KMT2D: variants seen among roughly 807,000 people sequenced by gnomAD.
KMT2D encodes the protein lysine methyltransferase 2D.
A neutral mutation model predicts 512.7 loss-of-function variants in KMT2D; 55 were observed. That is an observed-to-expected ratio of 0.11 (90% confidence interval 0.09 to 0.13). KMT2D has a LOEUF of 0.13. Ranked by LOEUF, KMT2D falls within the 10% of genes least tolerant of loss-of-function variation. The pLI is 1.00. For missense variants in KMT2D, 6,061 were observed against 7,127.9 expected (o/e 0.85, Z 5.39); for synonymous variants, 2,995 against 2,904.0 (o/e 1.03, Z -1.01).
Position 49,048,035 on chromosome 12 carries a change from C to T in KMT2D, c.4166G>A (p.Gly1389Glu). Residue 1389 changes from glycine to glutamate, a missense_variant, in exon 15 of 55, where the codon GGG (glycine) becomes GAG (glutamate). Coordinates refer to ENST00000301067, the MANE Select transcript of KMT2D (RefSeq NM_003482.4). ...MCVVCGSFGRGAEGHLLACSQ... is the reference protein window; with the variant it reads ...MCVVCGSFGREAEGHLLACSQ... ...ACAGGCAAGGAGGTGGCCCTCTGCC[C>T]CCCGGCCAAAGCTGCCACATACCAC... 1.2e-6 allele frequency: 2 copies of T among 1,610,080 alleles called. No homozygotes were observed. Among genetic ancestry groups the T allele is most frequent in the Non-Finnish European group, 1.7e-6 (2 of 1,176,598 alleles).
chr12:49,032,195 T>C lies in KMT2D; in HGVS notation c.12510A>G (p.Pro4170=), dbSNP rs3741622. The change falls in exon 40 of 55, where the codon CCA becomes CCG. Residue 4170 remains proline (P), a synonymous_variant. Coordinates refer to ENST00000301067, the MANE Select transcript of KMT2D (RefSeq NM_003482.4). The part of the protein sequence containing the change: ...LERPMQNNTG[P]QPPKPGPVLQ... ...GGACAGGTCCTGGTTTGGGAGGTTG[T>C]GGCCCTGTATTATTTTGCATGGGCC... The C allele has an allele frequency of 0.34, 546,770 of 1,612,274 alleles. 97,473 individuals are homozygous for C. The highest frequency in any genetic ancestry group is 0.4 in the East Asian group (17,966 of 44,800).
intron 49 of KMT2D, among the ~76,000 whole-genome samples, chr12:49,025,573 A>C (rs1942536052): frequency 6.6e-6 from 1 of 152,216 alleles, no homozygotes; most frequent in African/African-American, 2.4e-5. Flanking sequence ...CACAATGACA[A>C]AATCACCTAA....
rs950401727 is a variant in KMT2D, at chr12:49,031,172, C to T, written c.13530+3G>A. Reference sequence around the variant, plus strand: ...CCTGCTCCACTCTACTCAGAGTACTCACCTCCTTGTTGCTGGGGGTACCCT... The same window carrying T: ...CCTGCTCCACTCTACTCAGAGTACTTACCTCCTTGTTGCTGGGGGTACCCT... On this transcript the variant is annotated splice_donor_region_variant and intron_variant, in intron 40 of 54. Coordinates refer to ENST00000301067, the MANE Select transcript of KMT2D (RefSeq NM_003482.4). 1.2e-6 allele frequency: 2 copies of T among 1,607,276 alleles called. No homozygotes were observed. Among genetic ancestry groups the T allele is most frequent in the Non-Finnish European group, 1.7e-6 (2 of 1,175,834 alleles).
In KMT2D at chr12:49,050,672, C is replaced by A. The variant is rs765148791; in HGVS notation, c.2916G>T (p.Pro972=). ...GTGTCTCCAGGATGGGGGCAGCCAA[C>A]GGTGACTCAGGGTCACTGTCCCCTT... ...GAKGDSDPES[P]LAAPILETPI... The change falls in exon 12 of 55, where the codon CCG becomes CCT. Residue 972 remains proline (P), a synonymous_variant. Coordinates refer to ENST00000301067, the MANE Select transcript of KMT2D (RefSeq NM_003482.4). 6.2e-7 allele frequency: 1 copy of A among 1,613,436 alleles called. No homozygotes were observed. The highest frequency in any genetic ancestry group is 1.7e-5 in the Admixed American group (1 of 59,990).
At chr12:49,048,957 A>G (rs948354661) in intron 13 of KMT2D, 148 bp downstream of exon 13, 5 of 682,068 alleles carry the variant, frequency 7.3e-6, no homozygotes, top group Non-Finnish European at 1.3e-5. Context: ...TTTCAGAAAA[A>G]CCTGCGGGCC....
At chr12:49,027,709 C>A in intron 48 of KMT2D, 94 bp downstream of exon 48, 1 of 1,464,158 alleles carries the variant, frequency 6.8e-7, no homozygotes, top group South Asian at 1.2e-5. Flanking sequence ...CTCGCCTTGC[C>A]TCCCAAAGCA....
chr12:49,043,465 C>T (rs2120569054), intron 24 of KMT2D, 37 bp from the exon 25 acceptor site: 2 of 1,604,602 alleles, frequency 1.2e-6, no homozygotes, highest in South Asian at 2.2e-5. Context: ...CAGAGATGTC[C>T]TACATCTGAT....
rs1287194328 is a variant in KMT2D, at chr12:49,030,347, T to C, written c.13932A>G (p.Pro4644=). The C allele has an allele frequency of 4.0e-6, 6 of 1,488,408 alleles. No homozygotes were observed. In the Admixed American group the frequency reaches 9.2e-5, roughly 23 times the overall value. The allele number at this position is 1,488,408 out of a possible 1,614,324, so 92.2% of individuals were successfully genotyped here. ...TGGGGTGCTCCCCCAGCTCTTCAGA[T>C]GGGGTGACGCCATTCACCATCTTCT... ...VQQKMVNGVT[P]SEELGEHPKD... The change falls in exon 43 of 55, where the codon CCA becomes CCG. Residue 4644 remains proline, a synonymous_variant. Coordinates refer to ENST00000301067, the MANE Select transcript of KMT2D (RefSeq NM_003482.4).
Position 49,055,038 on chromosome 12 carries a change from G to A in KMT2D, c.50-12C>T. On this transcript the variant is annotated splice_polypyrimidine_tract_variant and intron_variant, in intron 2 of 54. Transcript: ENST00000301067. ...TGCAGGTCCATCAGCTGAATAAACA[G>A]ACAAACAGCATGTGTCAGCCATCAT... 1 of 1,613,374 alleles carries A rather than the reference G, an allele frequency of 6.2e-7. No homozygotes were observed. Among genetic ancestry groups the A allele is most frequent in the Non-Finnish European group, 8.5e-7 (1 of 1,179,546 alleles).
In KMT2D at chr12:49,041,099, C is replaced by T. The variant is rs1367216459; in HGVS notation, c.6671G>A (p.Gly2224Glu). ...ASSRPGAGQP[G>E]EFHTTPPGTP... ...GCCAGGTGGGGTAGTGTGGAATTCC[C>T]CTGGCTGGCCAGCCCCAGGACGAGA... The change falls in exon 32 of 55, where the codon GGG (glycine) becomes GAG (glutamate). Residue 2224 changes from glycine (G) to glutamate (E), a missense_variant. Around this residue, in one of 16 missense-constraint regions of KMT2D, gnomAD observed 710 missense variants for 647.3 expected, o/e 1.10. Coordinates refer to ENST00000301067, the MANE Select transcript of KMT2D (RefSeq NM_003482.4). The surrounding 1 kb of genome is among the most constrained non-coding windows in gnomAD (Gnocchi z 5.4). 2 of 1,531,824 alleles carry T rather than the reference C, an allele frequency of 1.3e-6. No individual in the cohort carries two copies. Among genetic ancestry groups the T allele is most frequent in the Non-Finnish European group, 1.7e-6 (2 of 1,143,084 alleles). The allele number at this position is 1,531,824 out of a possible 1,614,324, so 94.9% of individuals were successfully genotyped here.
chr12:49,025,587 T>A (rs1392979739), intron 49 of KMT2D, among the ~76,000 whole-genome samples: 5 of 152,210 alleles, frequency 3.3e-5, no homozygotes, highest in African/African-American at 1.2e-4. Context: ...CACCTAACAA[T>A]GCATTTCTCA....
In KMT2D at chr12:49,027,280, A is replaced by G. The variant is rs2120370857; in HGVS notation, c.14686T>C (p.Tyr4896His). The change falls in exon 49 of 55, where the codon TAC (tyrosine) becomes CAC (histidine). Residue 4896 changes from tyrosine (Y) to histidine (H), a missense_variant. This residue lies in a region of KMT2D where 1,600 missense variants were observed against 1,754.9 expected (regional missense o/e 0.91). Transcript: ENST00000301067. ...PEPPTQHSYTYNVSNLDVRQL... is the reference protein window; with the variant it reads ...PEPPTQHSYTHNVSNLDVRQL... ...CGCACATCCAGATTGGAGACATTGTAGGTATAGCTGTGCTGAGTGGGTGGC... is the reference window on the plus strand; with the variant it reads ...CGCACATCCAGATTGGAGACATTGTGGGTATAGCTGTGCTGAGTGGGTGGC... 1 of 1,552,848 alleles carries G rather than the reference A, an allele frequency of 6.4e-7. No homozygotes were observed. The highest frequency in any genetic ancestry group is 8.7e-7 in the Non-Finnish European group (1 of 1,152,528).
Position 49,027,391 on chromosome 12 carries a change from C to T in KMT2D, c.14644-69G>A. ...AACTAGCTCCCTCCTTCCCCTCACCCATATGCCACCCTCCCAAAAGGCCTC... is the reference window on the plus strand; with the variant it reads ...AACTAGCTCCCTCCTTCCCCTCACCTATATGCCACCCTCCCAAAAGGCCTC... On this transcript the variant is annotated intron_variant, in intron 48 of 54. Coordinates refer to ENST00000301067, the MANE Select transcript of KMT2D (RefSeq NM_003482.4). 3 of 1,293,958 alleles carry T rather than the reference C, an allele frequency of 2.3e-6. No homozygotes were observed. The South Asian group carries it at 4.5e-5, about 20-fold the overall frequency. 80.2% of individuals were successfully genotyped at this position (1,293,958 alleles called of 1,614,324 possible).
In KMT2D at chr12:49,039,568, G is replaced by A; in HGVS notation, c.8096C>T (p.Thr2699Ile). Residue 2699 changes from threonine (T) to isoleucine (I), a missense_variant, in exon 33 of 55, where the codon ACC (threonine) becomes ATC (isoleucine). Physicochemically the swap from Thr to Ile is moderately conservative, Grantham distance 89. Transcript: ENST00000301067. The surrounding 1 kb of genome is among the most constrained non-coding windows in gnomAD (Gnocchi z 5.0). ...AGCTGTTTCCTTCTCCTGCCGCAGG[G>A]TGTTGCGCTGGATCTGCTGCCGAAT... ...LLIRQQIQRN[T>I]LRQEKETAAA... is the part of the protein sequence containing the mutation. 1.9e-6 allele frequency: 3 copies of A among 1,611,742 alleles called. No individual in the cohort carries two copies. Among genetic ancestry groups the A allele is most frequent in the Non-Finnish European group, 2.5e-6 (3 of 1,179,670 alleles).
In KMT2D at chr12:49,027,839, C is replaced by T. The variant is rs779388857; in HGVS notation, c.14607G>A (p.Leu4869=). ...QFDAVLPGYT[L]KSQLDILSLL... is the part of the protein sequence containing the mutation. ...GGCTCAAGATGTCTAGTTGGCTCTT[C>T]AGGGTATAGCCAGGCAACACTGCAT... Residue 4869 remains leucine (L), a synonymous_variant, in exon 48 of 55, where the codon CTG becomes CTA. Transcript: ENST00000301067. 13 of 1,593,696 alleles carry T rather than the reference C, an allele frequency of 8.2e-6. No homozygotes were observed. The Admixed American group carries it at 2.3e-4, about 28-fold the overall frequency.
At position 49,046,217 on chromosome 12, in the gene KMT2D, G is replaced by A. The variant is rs747416334; in HGVS notation, c.4583+43C>T. The A allele has an allele frequency of 6.2e-7, 1 of 1,613,508 alleles. No homozygotes were observed. Among genetic ancestry groups the A allele is most frequent in the Non-Finnish European group, 8.5e-7 (1 of 1,179,626 alleles). ...GAGGAAATAAGCTCAGGCAATGCGAGGCTGGCAACAGGGCCAAAGTGAGGA... is the reference window on the plus strand; with the variant it reads ...GAGGAAATAAGCTCAGGCAATGCGAAGCTGGCAACAGGGCCAAAGTGAGGA... On this transcript the variant is annotated intron_variant, in intron 17 of 54. Coordinates refer to ENST00000301067, the MANE Select transcript of KMT2D (RefSeq NM_003482.4). The surrounding 1 kb of genome is among the most constrained non-coding windows in gnomAD (Gnocchi z 4.2).
rs867926537 is a variant in KMT2D, at chr12:49,050,798, G to C, written c.2798-8C>G. 11 of 1,586,790 alleles carry C rather than the reference G, an allele frequency of 6.9e-6. No individual in the cohort carries two copies. The Middle Eastern group carries it at 1.7e-3, about 245-fold the overall frequency. ...GTGGAGGAGGAAGGGGATCTGGAAG[G>C]AAAGAGAAAAAAGAAGGGCTCTTAG... On this transcript the variant is annotated splice_region_variant and splice_polypyrimidine_tract_variant and intron_variant, in intron 11 of 54. Transcript: ENST00000301067.
chr12:49,029,513 G>A lies in KMT2D; in HGVS notation c.14000-37C>T, dbSNP rs1423746894. On this transcript the variant is annotated intron_variant, in intron 43 of 54. Transcript: ENST00000301067. ...GTAGGGAGAAGAAAAGTCAGGTGAG[G>A]GTGGCCAGGGCTGATGGTACCTTCT... The A allele has an allele frequency of 9.4e-6, 14 of 1,490,046 alleles. 1 individual carries two copies. Among genetic ancestry groups the A allele is most frequent in the South Asian group, 4.8e-5 (4 of 82,704 alleles). 92.3% of individuals were successfully genotyped at this position (1,490,046 alleles called of 1,614,324 possible).
At position 49,054,098 on chromosome 12, in the gene KMT2D, G is replaced by T. The variant is rs201796530; in HGVS notation, c.553C>A (p.Arg185Ser). Residue 185 changes from arginine (R) to serine (S), a missense_variant, in exon 6 of 55, where the codon CGC (arginine) becomes AGC (serine). Around this residue, in one of 16 missense-constraint regions of KMT2D, gnomAD observed 160 missense variants for 225.8 expected, o/e 0.71. Transcript: ENST00000301067. This position sits in a 1 kb window ranked among gnomAD's most constrained non-coding sequence, Gnocchi z 6.4. ...CTRLGASIPC[R>S]SPGCPRLYHF... is the part of the protein sequence containing the mutation. The stretch of plus-strand genomic sequence containing the variant: ...TAAAGCCGTGGACATCCAGGTGAGC[G>T]GCAAGGGATGGAGGCACCGAGCCTG... The T allele has an allele frequency of 6.2e-7, 1 of 1,613,258 alleles. No individual in the cohort carries two copies. The highest frequency in any genetic ancestry group is 1.3e-5 in the African/African-American group (1 of 75,002).
Sources: allele counts gnomAD v4.1 joint callset (sites outside exome capture counted in the v4.1 genomes callset), GRCh38; gene constraint gnomAD v4.1.1; regional missense constraint gnomAD v4.1.1; non-coding constraint Gnocchi (gnomAD v3.1); transcripts MANE v1.5; gene names NCBI Gene and HGNC (gene_info 2026-07-23, HGNC 2026-07-21).